Variants in XPR1 observed in about 807,000 individuals in gnomAD.
The protein encoded by XPR1 is xenotropic and polytropic retrovirus receptor 1.
Under a neutral mutation model 87.5 loss-of-function variants are expected in XPR1, and 28 were observed. The ratio of observed to expected loss-of-function variants is 0.32; its 90% CI spans 0.24 to 0.44. The LOEUF is 0.44. Among genes scored for constraint, XPR1 ranks in the 20% least tolerant of loss-of-function variants. XPR1 has a pLI of 1.00. For synonymous variants in XPR1, 300 were observed against 306.1 expected (o/e 0.98, Z 0.21); for missense variants, 559 against 862.3 (o/e 0.65, Z 4.41).
intron 9 of XPR1, among the ~76,000 whole-genome samples, chr1:180,833,120 C>T (rs1651132183): frequency 6.6e-6 from 1 of 152,084 alleles, no homozygotes; most frequent in African/African-American, 2.4e-5. Context: ...CTCTTTGTAG[C>T]AATTGTGAAT....
intron 6 of XPR1, among the ~76,000 whole-genome samples, chr1:180,808,626 T>C (rs1329391097): frequency 6.6e-6 from 1 of 152,122 alleles, no homozygotes; most frequent in Non-Finnish European, 1.5e-5. Flanking sequence ...AACCCAACTT[T>C]TAAAAATGGG....
At chr1:180,824,998 C>T in intron 8 of XPR1, 55 bp downstream of exon 8, 19 of 1,564,324 alleles carry the variant, frequency 1.2e-5, no homozygotes, top group Non-Finnish European at 1.6e-5. Flanking sequence ...AGCTATATAG[C>T]TATCTGGTTT....
chr1:180,712,847 AGTT>A (rs1217681498), intron 2 of XPR1, among the ~76,000 whole-genome samples: 1 of 151,608 alleles, frequency 6.6e-6, no homozygotes, highest in Non-Finnish European at 1.5e-5. Context: ...AAAATAAATC[AGTT>A]GTTCATGTAT....
chr1:180,747,779 A>G (rs1006227745), intron 2 of XPR1, among the ~76,000 whole-genome samples: 4 of 152,180 alleles, frequency 2.6e-5, no homozygotes, highest in Non-Finnish European at 4.4e-5. Context: ...AAAGCGAAGC[A>G]AGCCAGTCAG....
chr1:180,704,814 G>GTTTTTTTTTT lies in XPR1; in HGVS notation c.121+22419_121+22428dup, dbSNP rs567903048. Among the ~76,000 whole-genome samples, 112 of 51,952 alleles carry GTTTTTTTTTT rather than the reference G, an allele frequency of 2.2e-3. 11 individuals are homozygous for GTTTTTTTTTT. Among genetic ancestry groups the GTTTTTTTTTT allele is most frequent in the East Asian group, 2.5e-3 (4 of 1,570 alleles). The allele number at this position is 51,952 out of a possible 152,430, so 34.1% of individuals were successfully genotyped here. On this transcript the variant is annotated intron_variant, in intron 2 of 14. Transcript: ENST00000367590. The stretch of plus-strand genomic sequence containing the variant: ...GCCATTTTTCCAGGGACTGTTGGTT[G>GTTTTTTTTTT]TTTTTTTTTTTTTTTTTTTTTTTTT...
In XPR1 at chr1:180,656,403, ATT is replaced by A. The variant is rs1163064469; in HGVS notation, c.69+24135_69+24136del. 6.0e-3 allele frequency among the ~76,000 whole-genome samples: 287 copies of A among 47,972 alleles called. 4 individuals are homozygous for A. The highest frequency in any genetic ancestry group is 0.02 in the African/African-American group (184 of 9,396). 31.5% of individuals were successfully genotyped at this position (47,972 alleles called of 152,430 possible). ...AATATTCATGTATTTATATATAAAT[ATT>A]TATATATTTATATATAAATATTTAT... On this transcript the variant is annotated intron_variant, in intron 1 of 14. Coordinates refer to ENST00000367590, the MANE Select transcript of XPR1 (RefSeq NM_004736.4).
chr1:180,866,440 A>G (rs1263001805), intron 12 of XPR1, among the ~76,000 whole-genome samples: 3 of 152,298 alleles, frequency 2.0e-5, no homozygotes, highest in Non-Finnish European at 4.4e-5. Flanking sequence ...TGTCATCTTT[A>G]TATTCACACT....
In XPR1 at chr1:180,738,719, A is replaced by G. The variant is rs989744426; in HGVS notation, c.122-49034A>G. Among the ~76,000 whole-genome samples the G allele has an allele frequency of 4.6e-5, 7 of 152,110 alleles. No homozygotes were observed. The East Asian group carries it at 1.4e-3, about 29-fold the overall frequency. ...ATTTCCCAGTCTTTTGTCCATTTTTAAATTTGGCTTTTCTGTGTTCTCACT... is the reference window on the plus strand; with the variant it reads ...ATTTCCCAGTCTTTTGTCCATTTTTGAATTTGGCTTTTCTGTGTTCTCACT... On this transcript the variant is annotated intron_variant, in intron 2 of 14. Transcript: ENST00000367590.
At chr1:180,713,082 T>A (rs1198627322) in intron 2 of XPR1, among the ~76,000 whole-genome samples, 1 of 152,008 alleles carries the variant, frequency 6.6e-6, no homozygotes, top group Non-Finnish European at 1.5e-5. Flanking sequence ...CTAGATAAAT[T>A]TGGGGAAAAC....
At chr1:180,699,324 A>G (rs375631910) in intron 2 of XPR1, among the ~76,000 whole-genome samples, 61 of 115,840 alleles carry the variant, frequency 5.3e-4, no homozygotes, top group African/African-American at 2.0e-3. Context: ...CTAACGTGTC[A>G]TCTAGCATTA....
intron 2 of XPR1, among the ~76,000 whole-genome samples, chr1:180,694,258 C>A (rs1052708666): frequency 1.3e-5 from 2 of 152,120 alleles, no homozygotes; most frequent in Non-Finnish European, 2.9e-5. Flanking sequence ...CATTCTCAGC[C>A]TACTATATCC....
chr1:180,659,086 TCCTTCCTCCCTCCCTCCCTC>T (rs1232701499), intron 1 of XPR1, among the ~76,000 whole-genome samples: 5 of 150,446 alleles, frequency 3.3e-5, no homozygotes, highest in South Asian at 2.1e-4. Context: ...CTTCCTTCCT[TCCTTCCTCCCTCCCTCCCTC>T]CCTTCCTCCC....
At chr1:180,662,453 C>CT in intron 1 of XPR1, among the ~76,000 whole-genome samples, 1 of 152,248 alleles carries the variant, frequency 6.6e-6, no homozygotes, top group Non-Finnish European at 1.5e-5. Flanking sequence ...TCATGCCACT[C>CT]TCTTGGTCTG....
At chr1:180,791,790 G>T (rs887265132) in intron 3 of XPR1, among the ~76,000 whole-genome samples, 2 of 152,008 alleles carry the variant, frequency 1.3e-5, no homozygotes, top group Non-Finnish European at 2.9e-5. Flanking sequence ...TGCTAATTAT[G>T]ATCCACTAAA....
At chr1:180,661,409 T>C (rs1245166665) in intron 1 of XPR1, among the ~76,000 whole-genome samples, 3 of 152,116 alleles carry the variant, frequency 2.0e-5, no homozygotes, top group African/African-American at 7.2e-5. Context: ...AGTCTCTTCC[T>C]TCTTTCCTTC....
intron 11 of XPR1, among the ~76,000 whole-genome samples, chr1:180,851,825 A>G (rs564153411): frequency 1.3e-4 from 20 of 152,234 alleles, no homozygotes; most frequent in African/African-American, 4.8e-4. Context: ...TGCTTTTATA[A>G]TCACTGAAGA....
chr1:180,795,360 G>C (rs1362885234), intron 3 of XPR1, among the ~76,000 whole-genome samples: 1 of 151,972 alleles, frequency 6.6e-6, no homozygotes, highest in Non-Finnish European at 1.5e-5. Flanking sequence ...AATGGTTATT[G>C]GAAATTTTTA....
At chr1:180,645,569 T>A (rs897157610) in intron 1 of XPR1, among the ~76,000 whole-genome samples, 1 of 152,230 alleles carries the variant, frequency 6.6e-6, no homozygotes, top group Non-Finnish European at 1.5e-5. Context: ...TAGTGGTGAC[T>A]GCTTTTCTGA....
chr1:180,745,835 A>G (rs910607445), intron 2 of XPR1, among the ~76,000 whole-genome samples: 2 of 152,154 alleles, frequency 1.3e-5, no homozygotes, highest in East Asian at 3.9e-4. Context: ...TGCTGCATAC[A>G]TTTTGTTTAG....
Sources: gnomAD v4.1 joint callset for allele counts (sites outside exome capture counted in the v4.1 genomes callset) on GRCh38, gnomAD v4.1.1 for gene constraint, MANE v1.5 for transcripts, NCBI Gene and HGNC (gene_info 2026-07-23, HGNC 2026-07-21) for gene names.